HPCAL1: variants seen among roughly 807,000 people sequenced by gnomAD.
HPCAL1 encodes hippocalcin like 1.
A neutral mutation model predicts 17.1 loss-of-function variants in HPCAL1; 8 were observed. That is an observed-to-expected ratio of 0.47 (90% confidence interval 0.27 to 0.84). The LOEUF is 0.84. Ranked by LOEUF, HPCAL1 falls within the 40% of genes least tolerant of loss-of-function variation. The pLI is 0.13. For synonymous variants in HPCAL1, 112 were observed against 111.4 expected (o/e 1.01, Z -0.03); for missense variants, 165 against 271.1 (o/e 0.61, Z 2.75).
chr2:10,418,976 G>A (rs1475718703), intron 2 of HPCAL1, among the ~76,000 whole-genome samples: 3 of 152,162 alleles, frequency 2.0e-5, no homozygotes, highest in African/African-American at 4.8e-5. Flanking sequence ...TTGGGAGGCC[G>A]AGGCAGGTGG....
chr2:10,364,457 G>A (rs1211035476), intron 1 of HPCAL1, among the ~76,000 whole-genome samples: 2 of 152,254 alleles, frequency 1.3e-5, no homozygotes, highest in Non-Finnish European at 2.9e-5. Flanking sequence ...GGCAGGAGCT[G>A]GAGGCTGTGT....
chr2:10,341,108 C>T (rs779620917), intron 1 of HPCAL1, among the ~76,000 whole-genome samples: 11 of 152,148 alleles, frequency 7.2e-5, no homozygotes, highest in East Asian at 3.9e-4. Flanking sequence ...CTGTCCTTCG[C>T]GATTTTTCTT....
chr2:10,324,816 GTTTT>G (rs3036350), intron 1 of HPCAL1, among the ~76,000 whole-genome samples: 1 of 66,386 alleles, frequency 1.5e-5, no homozygotes, highest in Non-Finnish European at 2.5e-5. Context: ...TGGTTTTTGT[GTTTT>G]TTTTTTTTTT....
chr2:10,400,478 C>T (rs960629548), intron 2 of HPCAL1, among the ~76,000 whole-genome samples: 1 of 152,212 alleles, frequency 6.6e-6, no homozygotes, highest in African/African-American at 2.4e-5. Context: ...CTTGCCTCCC[C>T]TCTAGTGCTG....
intron 2 of HPCAL1, among the ~76,000 whole-genome samples, chr2:10,400,449 G>A (rs372130369): frequency 7.9e-5 from 12 of 152,222 alleles, no homozygotes; most frequent in African/African-American, 1.9e-4. Flanking sequence ...ATTTGGGGCC[G>A]GAAGAGCAGG....
chr2:10,317,713 C>T (rs1421172455), intron 1 of HPCAL1, among the ~76,000 whole-genome samples: 3 of 152,210 alleles, frequency 2.0e-5, no homozygotes, highest in South Asian at 2.1e-4. Context: ...CCACCATGCT[C>T]GGCCTCAACA....
rs184011292 is a variant in HPCAL1 at position 10,331,353 on chromosome 2, C to T, written c.-111+28176C>T. The stretch of plus-strand genomic sequence containing the variant: ...TCACCTCGCCACCTACGCATCGTCA[C>T]CCCTCCTCCTGCGTTTCCTCCTGTC... On this transcript the variant is annotated intron_variant, in intron 1 of 4. Transcript: ENST00000307845. This position sits in a 1 kb window ranked among gnomAD's most constrained non-coding sequence, Gnocchi z 5.0. 6.6e-6 allele frequency among the ~76,000 whole-genome samples: 1 copy of T among 152,096 alleles called. No individual in the cohort carries two copies. The highest frequency in any genetic ancestry group is 2.4e-5 in the African/African-American group (1 of 41,366).
At chr2:10,374,443 G>C (rs1168971699) in intron 1 of HPCAL1, among the ~76,000 whole-genome samples, 8 of 152,334 alleles carry the variant, frequency 5.3e-5, no homozygotes, top group Admixed American at 1.3e-4. Flanking sequence ...TCTTGTTCTT[G>C]CTGTGGTCTT....
intron 1 of HPCAL1, among the ~76,000 whole-genome samples, chr2:10,315,760 A>G (rs1663275725): frequency 6.6e-6 from 1 of 152,164 alleles, no homozygotes; most frequent in South Asian, 2.1e-4. Context: ...TAATCCCAGC[A>G]CTTTGGGAGG....
chr2:10,352,091 A>T (rs141834160), intron 1 of HPCAL1, among the ~76,000 whole-genome samples: 2,394 of 151,986 alleles, frequency 0.016, 49 homozygotes, highest in African/African-American at 0.049. Context: ...TTAGTAGAGA[A>T]GGAGTTTTGC....
rs370233448 is a variant in HPCAL1, at chr2:10,340,183, G to A, written c.-111+37006G>A. Among the ~76,000 whole-genome samples, 3 of 152,202 alleles carry A rather than the reference G, an allele frequency of 2.0e-5. No homozygotes were observed. The East Asian group carries it at 5.8e-4, about 29-fold the overall frequency. ...AGCGGAAGGAAGACATAGACCCAAG[G>A]GTGCACTTCAGCCCCTCAACCAGCT... On this transcript the variant is annotated intron_variant, in intron 1 of 4. Coordinates refer to ENST00000307845, the MANE Select transcript of HPCAL1 (RefSeq NM_002149.4).
intron 1 of HPCAL1, among the ~76,000 whole-genome samples, chr2:10,374,556 G>A (rs1667425461): frequency 6.6e-6 from 1 of 152,256 alleles, no homozygotes; most frequent in African/African-American, 2.4e-5. Context: ...TGTCTGCAGG[G>A]CCCATGCGGG....
At chr2:10,401,666 C>T (rs1669623536) in intron 2 of HPCAL1, among the ~76,000 whole-genome samples, 1 of 152,186 alleles carries the variant, frequency 6.6e-6, no homozygotes, top group Non-Finnish European at 1.5e-5. Flanking sequence ...TTACTGTGTG[C>T]TTCCTGTGTT....
At chr2:10,415,880 C>G (rs1010148207) in intron 2 of HPCAL1, among the ~76,000 whole-genome samples, 1 of 152,226 alleles carries the variant, frequency 6.6e-6, no homozygotes, top group African/African-American at 2.4e-5. Context: ...GAACACCTAG[C>G]GAGCTCCATG....
At chr2:10,397,735 G>A (rs1669150316) in intron 2 of HPCAL1, among the ~76,000 whole-genome samples, 1 of 147,388 alleles carries the variant, frequency 6.8e-6, no homozygotes, top group Non-Finnish European at 1.5e-5. Context: ...CAGCTCCCGA[G>A]ACAGGAAGGC....
intron 4 of HPCAL1, chr2:10,423,452 T>C: frequency 4.3e-6 from 1 of 234,910 alleles, no homozygotes; most frequent in Non-Finnish European, 8.7e-6. Flanking sequence ...ATCCCAGATG[T>C]TGGGGTCCTG....
At position 10,394,526 on chromosome 2, in the gene HPCAL1, C is replaced by T. The variant is rs4669582; in HGVS notation, c.-110-2309C>T. 0.071 allele frequency among the ~76,000 whole-genome samples: 10,858 copies of T among 152,248 alleles called. 723 individuals are homozygous for T. Among genetic ancestry groups the T allele is most frequent in the East Asian group, 0.36 (1,856 of 5,164 alleles). Reference sequence around the variant, plus strand: ...AGAGCACAGAGGGGCTTTAGGGCAGCGAGCCCGCGCTATGTGATGCTGTAA... The same window carrying T: ...AGAGCACAGAGGGGCTTTAGGGCAGTGAGCCCGCGCTATGTGATGCTGTAA... On this transcript the variant is annotated intron_variant, in intron 1 of 4. Coordinates refer to ENST00000307845, the MANE Select transcript of HPCAL1 (RefSeq NM_002149.4). This position sits in a 1 kb window ranked among gnomAD's most constrained non-coding sequence, Gnocchi z 5.0.
chr2:10,372,300 G>A (rs549943092), intron 1 of HPCAL1, among the ~76,000 whole-genome samples: 1 of 135,124 alleles, frequency 7.4e-6, no homozygotes, highest in East Asian at 2.2e-4. Context: ...GAAGCCCCAT[G>A]GGGGCCCCAC....
At chr2:10,308,702 G>A (rs1662774739) in intron 1 of HPCAL1, among the ~76,000 whole-genome samples, 1 of 152,150 alleles carries the variant, frequency 6.6e-6, no homozygotes, top group African/African-American at 2.4e-5. Flanking sequence ...AGGTGTGTTG[G>A]CTGGACCAGC....
Sources: gnomAD v4.1 joint callset for allele counts (sites outside exome capture counted in the v4.1 genomes callset) on GRCh38, gnomAD v4.1.1 for gene constraint, Gnocchi (gnomAD v3.1) non-coding constraint, MANE v1.5 for transcripts, NCBI Gene and HGNC (gene_info 2026-07-23, HGNC 2026-07-21) for gene names.